CAPN1: variants seen among roughly 807,000 people sequenced by gnomAD.
The protein encoded by CAPN1 is calpain-1 catalytic subunit.
Under a neutral mutation model 105.2 loss-of-function variants are expected in CAPN1, and 77 were observed. The ratio of observed to expected loss-of-function variants is 0.73; its 90% CI spans 0.61 to 0.88. The LOEUF (loss-of-function observed/expected upper bound fraction) is 0.88. Among genes scored for constraint, CAPN1 ranks in the 40% least tolerant of loss-of-function variants. The pLI is 0.00. For missense variants in CAPN1, 833 were observed against 976.6 expected, an observed-to-expected ratio of 0.85 and a Z score of 1.96; for synonymous variants, 355 against 388.8, an observed-to-expected ratio of 0.91 and a Z score of 1.02.
Position 65,210,177 on chromosome 11 carries a change from G to A in CAPN1, c.1942+81G>A. ...TCCTATGCCCCAGGCCCTTGTCCCT[G>A]GGGTGCTAGTGGTGACATGGTAACA... On this transcript the variant is annotated intron_variant, in intron 19 of 21. Transcript: ENST00000279247. The surrounding 1 kb of genome is among the most constrained non-coding windows in gnomAD (Gnocchi z 4.3). The A allele has an allele frequency of 7.9e-7, 1 of 1,266,842 alleles. No homozygotes were observed. Among genetic ancestry groups the A allele is most frequent in the Non-Finnish European group, 1.2e-6 (1 of 867,666 alleles). 78.5% of individuals were successfully genotyped at this position (1,266,842 alleles called of 1,614,324 possible).
chr11:65,187,688 A>G, intron 7 of CAPN1: 1 of 450,996 alleles, frequency 2.2e-6, no homozygotes, highest in Non-Finnish European at 4.1e-6. Flanking sequence ...GGAGTTCGAG[A>G]CCAGCCTGGC....
upstream of CAPN1, chr11:65,181,556 C>G: frequency 2.5e-6 from 1 of 404,660 alleles, no homozygotes. This position sits in a 1 kb window ranked among gnomAD's most constrained non-coding sequence, Gnocchi z 4.6. Context: ...CGCCAGGGCG[C>G]GCGTGGGGTG....
At chr11:65,199,203 A>G (rs539805916) in intron 10 of CAPN1, among the ~76,000 whole-genome samples, 1 of 152,264 alleles carries the variant, frequency 6.6e-6, no homozygotes, top group East Asian at 1.9e-4. Flanking sequence ...GTGTTTGTCT[A>G]AAATGCCTTT....
chr11:65,186,009 C>T lies in CAPN1; in HGVS notation c.549C>T (p.Gly183=). 6.2e-7 allele frequency: 1 copy of T among 1,610,256 alleles called. No individual in the cohort carries two copies. Among genetic ancestry groups the T allele is most frequent in the Non-Finnish European group, 8.5e-7 (1 of 1,178,266 alleles). Residue 183 remains glycine, a synonymous_variant, in exon 5 of 22, where the codon GGC becomes GGT. Coordinates refer to ENST00000279247, the MANE Select transcript of CAPN1 (RefSeq NM_005186.4). The part of the protein sequence containing the change: ...GKLVFVHSAE[G]NEFWSALLEK... ...TAGTGTTCGTGCACTCTGCCGAAGG[C>T]AACGAGTTCTGGAGCGCCCTGCTTG...
intron 4 of CAPN1, 141 bp downstream of exon 4, chr11:65,183,733 GGTCT>G: frequency 3.2e-6 from 2 of 631,186 alleles, no homozygotes; most frequent in Non-Finnish European, 5.7e-6. Flanking sequence ...TGCCATCTCG[GGTCT>G]GTCATGTGTG....
chr11:65,203,927 G>T (rs1319044977), intron 10 of CAPN1, among the ~76,000 whole-genome samples: 2 of 152,032 alleles, frequency 1.3e-5, no homozygotes, highest in East Asian at 3.9e-4. Flanking sequence ...TGGCTTATTA[G>T]TGCCTTTAAA....
intron 10 of CAPN1, among the ~76,000 whole-genome samples, chr11:65,190,736 G>A (rs539066280): frequency 2.0e-5 from 3 of 150,304 alleles, no homozygotes; most frequent in Admixed American, 1.3e-4. Context: ...TTTTTGAGAC[G>A]GAGTCTTGCT....
upstream of CAPN1, chr11:65,181,657 C>T: frequency 2.7e-6 from 1 of 366,136 alleles, no homozygotes; most frequent in Non-Finnish European, 5.5e-6. This position sits in a 1 kb window ranked among gnomAD's most constrained non-coding sequence, Gnocchi z 4.6. Context: ...GGTGCCCTTC[C>T]GCCGCGCCCC....
At chr11:65,187,897 A>AC in intron 7 of CAPN1, 58 bp from the exon 8 acceptor site, 1 of 1,251,444 alleles carries the variant, frequency 8.0e-7, no homozygotes, top group Non-Finnish European at 1.1e-6. Flanking sequence ...GTCTCAAAAA[A>AC]GAAAAAAAAA....
At chr11:65,181,717 C>T (rs566431302), upstream of CAPN1, 7 of 269,132 alleles carry the variant, frequency 2.6e-5, no homozygotes, top group African/African-American at 1.2e-4. This position sits in a 1 kb window ranked among gnomAD's most constrained non-coding sequence, Gnocchi z 4.6. Context: ...ACTGCTCTGC[C>T]TTTTACTAAT....
intron 7 of CAPN1, chr11:65,187,738 C>T: frequency 2.0e-6 from 1 of 488,802 alleles, no homozygotes; most frequent in South Asian, 2.1e-5. Context: ...AATACAAAAA[C>T]TACCTGGGTG....
chr11:65,187,348 C>G (rs1197209021), intron 7 of CAPN1, 50 bp downstream of exon 7: 1 of 1,268,492 alleles, frequency 7.9e-7, no homozygotes, highest in South Asian at 1.3e-5. Context: ...TGCCCCCTGG[C>G]CTGTCCTTGC....
At chr11:65,201,235 C>A in intron 10 of CAPN1, among the ~76,000 whole-genome samples, 1 of 151,296 alleles carries the variant, frequency 6.6e-6, no homozygotes, top group East Asian at 2.0e-4. Context: ...TGAGCCACCA[C>A]GCCTGGTCGT....
rs1555008404 is a variant in CAPN1, at chr11:65,195,109, T to TTG, written c.1165+6364_1165+6365insGT. On this transcript the variant is annotated intron_variant, in intron 10 of 21. Transcript: ENST00000279247. The stretch of plus-strand genomic sequence containing the variant: ...ACTGAAGTTTTTTGGGGTTTTTTTT[T>TTG]TTTTTTTTTTTTTTTTTTGAGTCTG... Among the ~76,000 whole-genome samples the TTG allele has an allele frequency of 2.4e-4, 14 of 58,604 alleles. 1 individual carries two copies. Among genetic ancestry groups the TTG allele is most frequent in the African/African-American group, 6.7e-4 (12 of 17,860 alleles). The allele number at this position is 58,604 out of a possible 152,430, so 38.4% of individuals were successfully genotyped here. A position where few individuals can be genotyped will look rare whatever the true frequency, so the allele number is the denominator to read the frequency against.
intron 10 of CAPN1, among the ~76,000 whole-genome samples, chr11:65,199,826 A>G (rs1164892001): frequency 6.6e-6 from 1 of 152,228 alleles, no homozygotes; most frequent in Non-Finnish European, 1.5e-5. Context: ...TTCTTTAAAC[A>G]TAGTAAGCAT....
Position 65,206,453 on chromosome 11 carries a change from C to T in CAPN1, c.1354-10C>T. On this transcript the variant is annotated splice_polypyrimidine_tract_variant and intron_variant, in intron 12 of 21. Coordinates refer to ENST00000279247, the MANE Select transcript of CAPN1 (RefSeq NM_005186.4). ...CAGCTGCAGCCCTGCTCCCTCCTCC[C>T]TCCCACCAGCTGGTGGGCCAGCCGG... 1 of 1,610,086 alleles carries T rather than the reference C, an allele frequency of 6.2e-7. No homozygotes were observed. The highest frequency in any genetic ancestry group is 8.5e-7 in the Non-Finnish European group (1 of 1,177,686).
At chr11:65,203,034 G>A (rs971219100) in intron 10 of CAPN1, among the ~76,000 whole-genome samples, 1 of 152,066 alleles carries the variant, frequency 6.6e-6, no homozygotes, top group South Asian at 2.1e-4. Flanking sequence ...TGTTTGCAAG[G>A]TTCCTCCATG....
At chr11:65,205,361 C>T (rs1948940408) in intron 11 of CAPN1, among the ~76,000 whole-genome samples, 2 of 152,196 alleles carry the variant, frequency 1.3e-5, no homozygotes, top group Non-Finnish European at 2.9e-5. Flanking sequence ...CCTCCCTGGT[C>T]GCAGTCTTGG....
chr11:65,188,689 C>T lies in CAPN1; in HGVS notation c.1108C>T (p.Leu370Phe). Residue 370 changes from leucine to phenylalanine, a missense_variant, in exon 10 of 22, where the codon CTC becomes TTC. Coordinates refer to ENST00000279247, the MANE Select transcript of CAPN1 (RefSeq NM_005186.4). This position sits in a 1 kb window ranked among gnomAD's most constrained non-coding sequence, Gnocchi z 5.5. The stretch of plus-strand genomic sequence containing the variant: ...GACCATCCGCAAATGGAACACCACA[C>T]TCTACGAAGGCACCTGGCGGCGGGG... ...SRTIRKWNTT[L>F]YEGTWRRGST... The T allele has an allele frequency of 6.2e-7, 1 of 1,612,624 alleles. No homozygotes were observed. The highest frequency in any genetic ancestry group is 8.5e-7 in the Non-Finnish European group (1 of 1,179,308).
Sources: allele counts gnomAD v4.1 joint callset (sites outside exome capture counted in the v4.1 genomes callset), GRCh38; gene constraint gnomAD v4.1.1; non-coding constraint Gnocchi (gnomAD v3.1); transcripts MANE v1.5; gene names NCBI Gene and HGNC (gene_info 2026-07-23, HGNC 2026-07-21).